Variants in SENP5 observed in about 807,000 individuals in gnomAD.
SENP5 encodes SUMO specific peptidase 5, also known as sentrin-specific protease 5.
In SENP5, 21 loss-of-function variants were observed where a neutral mutation model predicts 74.2. That is an observed-to-expected ratio of 0.28 (90% CI 0.20 to 0.41). The LOEUF is 0.41. Among genes scored for constraint, SENP5 ranks in the 10% least tolerant of loss-of-function variants. The pLI is 1.00. For missense variants in SENP5, 717 were observed against 889.1 expected, an observed-to-expected ratio of 0.81 and a Z score of 2.46; for synonymous variants, 311 against 312.7, an observed-to-expected ratio of 0.99 and a Z score of 0.06.
intron 6 of SENP5, among the ~76,000 whole-genome samples, chr3:196,907,862 C>T (rs1473643456): frequency 6.6e-6 from 1 of 151,486 alleles, no homozygotes; most frequent in Non-Finnish European, 1.5e-5. Context: ...ACTGGACAAG[C>T]TTGCTGTAGA....
intron 1 of SENP5, among the ~76,000 whole-genome samples, chr3:196,869,518 T>A (rs1176974498): frequency 1.3e-5 from 2 of 150,766 alleles, no homozygotes; most frequent in African/African-American, 4.9e-5. Flanking sequence ...CCCAGCACTT[T>A]GGGAGGCCGA....
chr3:196,886,140 A>C lies in SENP5; in HGVS notation c.959A>C (p.Asn320Thr). The change falls in exon 2 of 10, where the codon AAC (asparagine) becomes ACC (threonine). Residue 320 changes from asparagine (N) to threonine (T), a missense_variant. By Grantham distance (65) the Asn-to-Thr change is moderately conservative. Coordinates refer to ENST00000323460, the MANE Select transcript of SENP5 (RefSeq NM_152699.5). ...AGCAGTGCTGTGGTGAAGGGGACGA[A>C]CTCTCATGTGCCTGATTGCCACACT... The part of the protein sequence containing the change: ...MDSSAVVKGT[N>T]SHVPDCHTKG... 1.2e-6 allele frequency: 2 copies of C among 1,614,060 alleles called. No homozygotes were observed. The highest frequency in any genetic ancestry group is 2.2e-5 in the South Asian group (2 of 91,074).
intron 6 of SENP5, 62 bp from the exon 7 acceptor site, chr3:196,923,351 TG>T: frequency 6.5e-7 from 1 of 1,535,350 alleles, no homozygotes; most frequent in Non-Finnish European, 8.7e-7. Flanking sequence ...TGGAAGCTGC[TG>T]GTTTTTGGTG....
chr3:196,896,094 CTG>C (rs1164361601), intron 2 of SENP5, among the ~76,000 whole-genome samples: 1 of 151,892 alleles, frequency 6.6e-6, no homozygotes. Flanking sequence ...TTTATAAAAT[CTG>C]TTTCTGAGTA....
intron 6 of SENP5, among the ~76,000 whole-genome samples, chr3:196,920,914 A>T (rs1428961088): frequency 6.6e-6 from 1 of 152,186 alleles, no homozygotes; most frequent in Non-Finnish European, 1.5e-5. Flanking sequence ...ACATGACAGG[A>T]CTACACTTCT....
rs1030238776 is a variant in SENP5 at position 196,870,765 on chromosome 3, G to T, written c.-32+2692G>T. Among the ~76,000 whole-genome samples the T allele has an allele frequency of 3.3e-5, 5 of 152,006 alleles. No individual in the cohort carries two copies. In the East Asian group the frequency reaches 9.7e-4, roughly 30 times the overall value. ...ACTCCTGACCTCAAGTGATCTCTCC[G>T]TCTCAGCCTCCCAAAGCGCGGGGAT... On this transcript the variant is annotated intron_variant, in intron 1 of 9. Transcript: ENST00000323460.
intron 6 of SENP5, among the ~76,000 whole-genome samples, chr3:196,917,098 C>T (rs1346402224): frequency 6.6e-6 from 1 of 152,094 alleles, no homozygotes. Flanking sequence ...CATGCCATTG[C>T]ACTCCAGCCT....
chr3:196,930,735 T>C (rs996619410), intron 9 of SENP5, 78 bp from the exon 10 acceptor site: 1 of 928,144 alleles, frequency 1.1e-6, no homozygotes, highest in Admixed American at 1.7e-5. Context: ...CTATTAGGTC[T>C]GCATTTAGTA....
chr3:196,885,376 A>C lies in SENP5; in HGVS notation c.195A>C (p.Gln65His), dbSNP rs763527255. 4.3e-6 allele frequency: 7 copies of C among 1,614,208 alleles called. No individual in the cohort carries two copies. The South Asian group carries it at 6.6e-5, about 15-fold the overall frequency. Residue 65 changes from glutamine to histidine, a missense_variant, in exon 2 of 10, where the codon CAA becomes CAC. Gln to His is a conservative substitution (Grantham distance 24). This residue lies in a region of SENP5 where 567 missense variants were observed against 577.4 expected (regional missense o/e 0.98). Transcript: ENST00000323460. Reference sequence around the variant, plus strand: ...TCCAGGGTAGAAAGAAAGCTCTTCAAATCCAGAAAACGTGGATCAAGGATG... The same window carrying C: ...TCCAGGGTAGAAAGAAAGCTCTTCACATCCAGAAAACGTGGATCAAGGATG... ...RHFQGRKKAL[Q>H]IQKTWIKDEP...
intron 6 of SENP5, among the ~76,000 whole-genome samples, chr3:196,918,664 A>G (rs1268815660): frequency 1.3e-5 from 2 of 152,166 alleles, no homozygotes; most frequent in East Asian, 3.9e-4. Context: ...TTACGTATCA[A>G]TAATAACATT....
At chr3:196,913,226 G>A (rs1048036362) in intron 6 of SENP5, 3 of 152,090 alleles carry the variant, frequency 2.0e-5, no homozygotes, top group African/African-American at 7.2e-5. Context: ...CTCCTTAAGA[G>A]AATATACATT....
chr3:196,918,997 CT>C (rs1715504005), intron 6 of SENP5, among the ~76,000 whole-genome samples: 1 of 151,976 alleles, frequency 6.6e-6, no homozygotes, highest in African/African-American at 2.4e-5. Flanking sequence ...ATCTATCTAT[CT>C]GTCTCCACAC....
At chr3:196,890,935 C>T (rs982351174) in intron 2 of SENP5, among the ~76,000 whole-genome samples, 1 of 152,128 alleles carries the variant, frequency 6.6e-6, no homozygotes, top group African/African-American at 2.4e-5. Flanking sequence ...TCCTGTGCCG[C>T]AAAACATTCC....
At chr3:196,918,440 T>C (rs1715476163) in intron 6 of SENP5, among the ~76,000 whole-genome samples, 1 of 151,412 alleles carries the variant, frequency 6.6e-6, no homozygotes. Context: ...AAATAGTTGT[T>C]TATAAGATGT....
chr3:196,885,269 A>C lies in SENP5; in HGVS notation c.88A>C (p.Lys30Gln), dbSNP rs758366046. 1 of 1,614,138 alleles carries C rather than the reference A, an allele frequency of 6.2e-7. No individual in the cohort carries two copies. The change falls in exon 2 of 10, where the codon AAG (lysine) becomes CAG (glutamine). Residue 30 changes from lysine (K) to glutamine (Q), a missense_variant. By Grantham distance (53) the Lys-to-Gln change is moderately conservative. Around this residue, in one of 4 missense-constraint regions of SENP5, gnomAD observed 567 missense variants for 577.4 expected, o/e 0.98. Coordinates refer to ENST00000323460, the MANE Select transcript of SENP5 (RefSeq NM_152699.5). ...KWNTGFGGFK[K>Q]FYFHQHLCIL... ...GAATACTGGGTTTGGAGGCTTTAAG[A>C]AGTTTTATTTTCACCAACACTTGTG...
At chr3:196,876,442 C>T (rs563806743) in intron 1 of SENP5, among the ~76,000 whole-genome samples, 3 of 150,118 alleles carry the variant, frequency 2.0e-5, no homozygotes, top group Non-Finnish European at 4.4e-5. Context: ...GGCGTGAACC[C>T]GGGAGGCGGA....
intron 1 of SENP5, among the ~76,000 whole-genome samples, chr3:196,883,031 C>G (rs1005391956): frequency 4.0e-5 from 6 of 151,532 alleles, no homozygotes; most frequent in Non-Finnish European, 1.5e-5. Flanking sequence ...AGATGAGTGG[C>G]AAAGTGTGTT....
Position 196,930,890 on chromosome 3 carries a change from C to T in SENP5, c.2235C>T (p.Tyr745=). ...TGCCCCGAGTGCGGAAGAGGATTTACAAGGAGCTATGTGAGTGCCGGCTCA... is the reference window on the plus strand; with the variant it reads ...TGCCCCGAGTGCGGAAGAGGATTTATAAGGAGCTATGTGAGTGCCGGCTCA... The part of the protein sequence containing the change: ...EDMPRVRKRI[Y]KELCECRLMD The change falls in exon 10 of 10, where the codon TAC becomes TAT. Residue 745 remains tyrosine, a synonymous_variant. Coordinates refer to ENST00000323460, the MANE Select transcript of SENP5 (RefSeq NM_152699.5). 6.2e-7 allele frequency: 1 copy of T among 1,613,866 alleles called. No individual in the cohort carries two copies. The highest frequency in any genetic ancestry group is 8.5e-7 in the Non-Finnish European group (1 of 1,179,838).
intron 6 of SENP5, chr3:196,905,118 T>C (rs1317303063): frequency 6.6e-6 from 1 of 152,192 alleles, no homozygotes; most frequent in African/African-American, 2.4e-5. Context: ...CAGGCTGGTC[T>C]CTAACTCCTG....
Sources: gnomAD v4.1 joint callset for allele counts (sites outside exome capture counted in the v4.1 genomes callset) on GRCh38, gnomAD v4.1.1 for gene constraint, gnomAD v4.1.1 regional missense constraint, MANE v1.5 for transcripts, NCBI Gene and HGNC (gene_info 2026-07-23, HGNC 2026-07-21) for gene names.